The following KIAA1217 variants were observed in gnomAD, a reference collection of about 807,000 sequenced individuals.
KIAA1217 encodes KIAA1217.
A neutral mutation model predicts 163.9 loss-of-function variants in KIAA1217; 88 were observed. The ratio of observed to expected loss-of-function variants is 0.54; its 90% confidence interval spans 0.45 to 0.64. The LOEUF (loss-of-function observed/expected upper bound fraction) is 0.64, where lower values mean the gene tolerates loss of function less well. KIAA1217 is among the 30% of genes least tolerant of loss of function. The pLI, the probability that KIAA1217 is intolerant of heterozygous loss-of-function variation, is 0.00. For synonymous variants in KIAA1217, 903 were observed against 923.1 expected, an observed-to-expected ratio of 0.98 and a Z score of 0.39; for missense variants, 2,372 against 2,475.0, an observed-to-expected ratio of 0.96 and a Z score of 0.88.
intron 1 of KIAA1217, among the ~76,000 whole-genome samples, chr10:23,982,186 A>G (rs1845793236): frequency 6.6e-6 from 1 of 152,170 alleles, no homozygotes; most frequent in Non-Finnish European, 1.5e-5. Context: ...TATTTCATTC[A>G]TAATCCAATG....
intron 2 of KIAA1217, among the ~76,000 whole-genome samples, chr10:24,250,793 A>G (rs767518918): frequency 2.0e-5 from 3 of 148,282 alleles, no homozygotes; most frequent in Non-Finnish European, 4.5e-5. Context: ...TGCAAGCCAG[A>G]ATAAGAATAG....
At chr10:23,933,077 T>C (rs1268694102) in intron 1 of KIAA1217, among the ~76,000 whole-genome samples, 1 of 152,228 alleles carries the variant, frequency 6.6e-6, no homozygotes, top group Non-Finnish European at 1.5e-5. Context: ...ACAACATTGC[T>C]GCTGATTGCT....
rs1165962593 is a variant in KIAA1217 at position 24,547,432 on chromosome 10, A to G, written c.*1108A>G. The G allele has an allele frequency of 6.6e-6, 1 of 152,664 alleles. No individual in the cohort carries two copies. The highest frequency in any genetic ancestry group is 2.4e-5 in the African/African-American group (1 of 41,458). The allele number at this position is 152,664 out of a possible 1,614,324, so 9.5% of individuals were successfully genotyped here. A position where few individuals can be genotyped will look rare whatever the true frequency, so the allele number is the denominator to read the frequency against. The stretch of plus-strand genomic sequence containing the variant: ...TATTTGTATAACACAGTCATGTAAT[A>G]TACAGAACTATAAGCAGAGACTTTG... On this transcript the variant is annotated 3_prime_UTR_variant, in exon 21 of 21. Coordinates refer to ENST00000376454, the MANE Select transcript of KIAA1217 (RefSeq NM_019590.5).
intron 1 of KIAA1217, among the ~76,000 whole-genome samples, chr10:23,898,860 T>G (rs1345251273): frequency 6.6e-6 from 1 of 152,094 alleles, no homozygotes; most frequent in Non-Finnish European, 1.5e-5. Flanking sequence ...GCTTATTTCA[T>G]TTAGCATAAT....
At position 24,509,004 on chromosome 10, in the gene KIAA1217, C is replaced by T. The variant is rs915924480; in HGVS notation, c.2002-4255C>T. Among the ~76,000 whole-genome samples the T allele has an allele frequency of 3.3e-5, 5 of 152,142 alleles. No homozygotes were observed. The South Asian group carries it at 1.0e-3, about 32-fold the overall frequency. ...AGTGTATACATTTGTCAAAATTCAT[C>T]GAACGGTGCACTTAAGATGGATATG... On this transcript the variant is annotated intron_variant, in intron 9 of 20. Coordinates refer to ENST00000376454, the MANE Select transcript of KIAA1217 (RefSeq NM_019590.5).
intron 1 of KIAA1217, among the ~76,000 whole-genome samples, chr10:23,896,203 T>A (rs944044384): frequency 6.6e-6 from 1 of 151,962 alleles, no homozygotes; most frequent in Non-Finnish European, 1.5e-5. Context: ...TGGCTCCATA[T>A]TTTCTTACTC....
intron 1 of KIAA1217, among the ~76,000 whole-genome samples, chr10:23,922,321 C>G (rs1037999957): frequency 6.6e-6 from 1 of 152,164 alleles, no homozygotes; most frequent in Non-Finnish European, 1.5e-5. Flanking sequence ...TCTGACCGTT[C>G]ATTTGTATCC....
At chr10:24,474,172 C>T in intron 6 of KIAA1217, 112 bp downstream of exon 6, 1 of 767,044 alleles carries the variant, frequency 1.3e-6, no homozygotes. Flanking sequence ...ATCTCTGCAG[C>T]ATGTCCTGTG....
At chr10:24,421,488 A>G (rs980948945) in intron 3 of KIAA1217, among the ~76,000 whole-genome samples, 1 of 152,096 alleles carries the variant, frequency 6.6e-6, no homozygotes, top group Admixed American at 6.6e-5. Flanking sequence ...ATCTCTTTTT[A>G]ATCCATATTG....
At chr10:23,728,898 G>T (rs1005457164) in intron 1 of KIAA1217, among the ~76,000 whole-genome samples, 3 of 152,140 alleles carry the variant, frequency 2.0e-5, no homozygotes, top group Admixed American at 6.6e-5. Flanking sequence ...TCCACCATTT[G>T]TGGTACCACA....
At position 24,543,464 on chromosome 10, in the gene KIAA1217, G is replaced by A; in HGVS notation, c.4194G>A (p.Gly1398=). 6.2e-7 allele frequency: 1 copy of A among 1,614,102 alleles called. No homozygotes were observed. Among genetic ancestry groups the A allele is most frequent in the Non-Finnish European group, 8.5e-7 (1 of 1,180,010 alleles). The part of the protein sequence containing the change: ...TETTVQVLSS[G]EVHDIVSQKG... ...CCACTGTCCAGGTTCTTTCCAGTGG[G>A]GAGGTGCATGATATTGTTAGCCAAA... The change falls in exon 19 of 21, where the codon GGG becomes GGA. Residue 1398 remains glycine, a synonymous_variant. Transcript: ENST00000376454.
intron 1 of KIAA1217, among the ~76,000 whole-genome samples, chr10:24,004,148 T>G (rs749279749): frequency 8.6e-5 from 13 of 151,904 alleles, no homozygotes; most frequent in Non-Finnish European, 1.3e-4. Context: ...CCTGGCTAAT[T>G]TTTGTATTTT....
chr10:24,006,989 C>T (rs149859934), intron 1 of KIAA1217, among the ~76,000 whole-genome samples: 3 of 152,262 alleles, frequency 2.0e-5, no homozygotes, highest in East Asian at 1.9e-4. Flanking sequence ...TCCTTTATAG[C>T]GTCCAACTAA....
At chr10:24,080,361 A>G (rs2061499762) in intron 2 of KIAA1217, among the ~76,000 whole-genome samples, 1 of 152,134 alleles carries the variant, frequency 6.6e-6, no homozygotes, top group African/African-American at 2.4e-5. Context: ...AGAAGACGGA[A>G]CAAGAAGAAG....
chr10:24,469,025 C>A (rs2063221827), intron 5 of KIAA1217, among the ~76,000 whole-genome samples: 1 of 152,122 alleles, frequency 6.6e-6, no homozygotes, highest in African/African-American at 2.4e-5. Context: ...ATGTACTCAA[C>A]TTTTTATGAA....
chr10:23,986,313 A>C (rs972804024), intron 1 of KIAA1217, among the ~76,000 whole-genome samples: 1 of 152,238 alleles, frequency 6.6e-6, no homozygotes, highest in Non-Finnish European at 1.5e-5. Context: ...TTTGTGTTAG[A>C]CTGGCCTGAA....
intron 1 of KIAA1217, among the ~76,000 whole-genome samples, chr10:23,912,051 T>A (rs551621902): frequency 7.2e-5 from 11 of 152,240 alleles, no homozygotes; most frequent in African/African-American, 2.6e-4. Flanking sequence ...CTCTTCCATT[T>A]AGTGGTTCCT....
chr10:24,008,997 C>A (rs989075452), intron 2 of KIAA1217, among the ~76,000 whole-genome samples: 4 of 152,186 alleles, frequency 2.6e-5, no homozygotes, highest in African/African-American at 7.2e-5. Context: ...AAAGAGTCAA[C>A]CTTTTATGGA....
At chr10:23,817,898 T>C (rs1346237582) in intron 1 of KIAA1217, among the ~76,000 whole-genome samples, 2 of 146,070 alleles carry the variant, frequency 1.4e-5, no homozygotes, top group Admixed American at 7.0e-5. Flanking sequence ...AAGAACAGTC[T>C]AGACAACATA....
Sources: gnomAD v4.1 joint callset for allele counts (sites outside exome capture counted in the v4.1 genomes callset) on GRCh38, gnomAD v4.1.1 for gene constraint, MANE v1.5 for transcripts, NCBI Gene and HGNC (gene_info 2026-07-23, HGNC 2026-07-21) for gene names.